Variants in THRAP3 observed in about 807,000 individuals in gnomAD.
THRAP3 encodes the protein thyroid hormone receptor associated protein 3.
A neutral mutation model predicts 101.0 loss-of-function variants in THRAP3; 16 were observed. The observed-to-expected ratio is 0.16, with a 90% CI of 0.11 to 0.24. The LOEUF (loss-of-function observed/expected upper bound fraction) is 0.24. Ranked by LOEUF, THRAP3 falls within the 10% of genes least tolerant of loss-of-function variation. THRAP3 has a pLI of 1.00. For missense variants in THRAP3, 989 were observed against 1,202.7 expected (o/e 0.82, Z 2.63); for synonymous variants, 407 against 422.6 (o/e 0.96, Z 0.45).
At chr1:36,227,698 G>A (rs1644977488) in intron 1 of THRAP3, among the ~76,000 whole-genome samples, 1 of 152,150 alleles carries the variant, frequency 6.6e-6, no homozygotes, top group African/African-American at 2.4e-5. Flanking sequence ...ACCGAAGATG[G>A]TAGTTACCTG....
intron 1 of THRAP3, among the ~76,000 whole-genome samples, chr1:36,235,104 A>T (rs1051786980): frequency 1.3e-5 from 2 of 152,126 alleles, no homozygotes; most frequent in African/African-American, 4.8e-5. Flanking sequence ...GTGAGGCACT[A>T]TGACCAGCCT....
At chr1:36,208,721 C>G in the THRAP3 span, among the ~76,000 whole-genome samples, 1 of 152,050 alleles carries the variant, frequency 6.6e-6, no homozygotes, top group Non-Finnish European at 1.5e-5. Flanking sequence ...GGCTGGTATG[C>G]AGTGGCACGA....
chr1:36,269,106 A>G (rs1645555602), intron 2 of THRAP3, among the ~76,000 whole-genome samples: 1 of 140,524 alleles, frequency 7.1e-6, no homozygotes, highest in South Asian at 2.3e-4. Context: ...AGAGCTAAGG[A>G]CCAAGTATTG....
At chr1:36,290,063 G>T (rs932236534) in intron 5 of THRAP3, among the ~76,000 whole-genome samples, 1 of 152,160 alleles carries the variant, frequency 6.6e-6, no homozygotes, top group African/African-American at 2.4e-5. Context: ...AGATAGCTTT[G>T]CCTGTGAAGC....
upstream of THRAP3, among the ~76,000 whole-genome samples, chr1:36,222,037 C>T (rs1644905280): frequency 6.6e-6 from 1 of 152,042 alleles, no homozygotes. Flanking sequence ...GTCTTGAACT[C>T]CTGACCTCAG....
At chr1:36,293,957 T>A (rs765025135) in intron 8 of THRAP3, 22 bp downstream of exon 8, 3 of 1,607,132 alleles carry the variant, frequency 1.9e-6, no homozygotes, top group Admixed American at 3.3e-5. Flanking sequence ...ATTTGATCAG[T>A]AATTCCAACA....
intron 11 of THRAP3, among the ~76,000 whole-genome samples, chr1:36,302,501 C>T (rs552960210): frequency 4.6e-5 from 7 of 152,238 alleles, no homozygotes; most frequent in South Asian, 2.1e-4. Context: ...TGGCTGGGCC[C>T]GGGTTAGGTG....
At chr1:36,275,967 TGAG>T (rs1249378978) in intron 2 of THRAP3, among the ~76,000 whole-genome samples, 1 of 152,124 alleles carries the variant, frequency 6.6e-6, no homozygotes, top group Non-Finnish European at 1.5e-5. Flanking sequence ...TGCAGTGAGT[TGAG>T]ATTGCACTAC....
chr1:36,255,946 T>A (rs1206516761), intron 1 of THRAP3, among the ~76,000 whole-genome samples: 1 of 152,142 alleles, frequency 6.6e-6, no homozygotes, highest in African/African-American at 2.4e-5. Flanking sequence ...TCTACTAATG[T>A]GTGGAACATG....
intron 2 of THRAP3, among the ~76,000 whole-genome samples, chr1:36,266,817 CTTG>C (rs1645519914): frequency 6.6e-6 from 1 of 151,884 alleles, no homozygotes; most frequent in African/African-American, 2.4e-5. Context: ...GGCAGATTGG[CTTG>C]TTGTAAAAAA....
At chr1:36,261,021 G>A (rs1426081731) in intron 2 of THRAP3, among the ~76,000 whole-genome samples, 1 of 151,932 alleles carries the variant, frequency 6.6e-6, no homozygotes, top group African/African-American at 2.4e-5. Context: ...TAGTTTCTAT[G>A]TCTTTATCAG....
intron 2 of THRAP3, among the ~76,000 whole-genome samples, chr1:36,260,259 C>A (rs1488521256): frequency 6.6e-6 from 1 of 151,880 alleles, no homozygotes; most frequent in Non-Finnish European, 1.5e-5. Flanking sequence ...CAAAAACAAA[C>A]AAAAGCTGTA....
At chr1:36,268,810 C>G (rs756564723) in intron 2 of THRAP3, among the ~76,000 whole-genome samples, 1 of 151,834 alleles carries the variant, frequency 6.6e-6, no homozygotes, top group Non-Finnish European at 1.5e-5. Context: ...ACTGCAAGCT[C>G]CACCTCCCAG....
chr1:36,222,105 C>T (rs1236159397), upstream of THRAP3, among the ~76,000 whole-genome samples: 1 of 152,104 alleles, frequency 6.6e-6, no homozygotes, highest in Non-Finnish European at 1.5e-5. Flanking sequence ...AGCCACTGCG[C>T]CTGGCCTTGG....
intron 9 of THRAP3, among the ~76,000 whole-genome samples, chr1:36,298,930 G>A (rs1465132434): frequency 2.0e-5 from 3 of 152,156 alleles, no homozygotes; most frequent in Non-Finnish European, 4.4e-5. Flanking sequence ...AGTCAGCTGG[G>A]ACTACAGGTG....
chr1:36,243,843 C>T (rs1479843354), intron 1 of THRAP3, among the ~76,000 whole-genome samples: 1 of 145,480 alleles, frequency 6.9e-6, no homozygotes, highest in Non-Finnish European at 1.5e-5. Context: ...CCACACCTCC[C>T]TCCCGGACGG....
At chr1:36,251,012 G>A (rs189148648) in intron 1 of THRAP3, among the ~76,000 whole-genome samples, 8 of 152,182 alleles carry the variant, frequency 5.3e-5, no homozygotes, top group African/African-American at 1.7e-4. Context: ...CTTCCAAAGT[G>A]CTGAGATTAC....
At chr1:36,208,966 CTTTTTTTTTTTTTTTTT>C in the THRAP3 span, among the ~76,000 whole-genome samples, 2 of 51,882 alleles carry the variant, frequency 3.9e-5, no homozygotes, top group African/African-American at 1.3e-4. Context: ...CATGTCCAGC[CTTTTTTTTTTTTTTTTT>C]TTTTTTTTTT....
At chr1:36,210,703 GTA>G in the THRAP3 span, among the ~76,000 whole-genome samples, 10 of 2,672 alleles carry the variant, frequency 3.7e-3, no homozygotes, top group Non-Finnish European at 3.4e-3. Flanking sequence ...AAAAAAAAAA[GTA>G]TATATATATA....
Sources: allele counts gnomAD v4.1 joint callset (sites outside exome capture counted in the v4.1 genomes callset), GRCh38; gene constraint gnomAD v4.1.1; transcripts MANE v1.5; gene names NCBI Gene and HGNC (gene_info 2026-07-23, HGNC 2026-07-21).